The following OPHN1 variants were observed in gnomAD, a reference collection of about 807,000 sequenced individuals.
OPHN1 encodes the protein oligophrenin 1.
OPHN1 carries 11 observed loss-of-function variants against 60.7 expected under a neutral mutation model. The observed-to-expected ratio is 0.18, with a 90% confidence interval of 0.11 to 0.30. The LOEUF (loss-of-function observed/expected upper bound fraction) is 0.30. Among genes scored for constraint, OPHN1 ranks in the 10% least tolerant of loss-of-function variants. OPHN1 has a pLI of 1.00. For synonymous variants in OPHN1, 226 were observed against 222.6 expected, an observed-to-expected ratio of 1.02 and a Z score of -0.14; for missense variants, 449 against 611.0, an observed-to-expected ratio of 0.73 and a Z score of 2.80.
chrX:68,134,228 A>G (rs1329025831), intron 15 of OPHN1, among the ~76,000 whole-genome samples: 3 of 111,692 alleles, frequency 2.7e-5, no homozygotes, highest in Non-Finnish European at 5.6e-5. Context: ...TGCTTGTTCT[A>G]CAGAAGATCA....
chrX:68,083,216 G>A (rs2076981890), intron 19 of OPHN1, among the ~76,000 whole-genome samples: 1 of 103,911 alleles, frequency 9.6e-6, no homozygotes, highest in Admixed American at 1.0e-4. Context: ...GGGACTACAG[G>A]CGCCCGCCAC....
chrX:68,128,090 C>T (rs2077179070), intron 15 of OPHN1, among the ~76,000 whole-genome samples: 1 of 109,184 alleles, frequency 9.2e-6, no homozygotes. Context: ...CACTCTGTCA[C>T]TCAGGCTGCA....
At chrX:68,067,298 G>A (rs930360067) in intron 20 of OPHN1, among the ~76,000 whole-genome samples, 6 of 111,237 alleles carry the variant, frequency 5.4e-5, no homozygotes, top group African/African-American at 2.0e-4. Flanking sequence ...ACCATGCTTT[G>A]CCTAAGAAAA....
At chrX:68,265,237 T>C (rs1049839839) in intron 5 of OPHN1, among the ~76,000 whole-genome samples, 4 of 112,180 alleles carry the variant, frequency 3.6e-5, no homozygotes, top group African/African-American at 1.3e-4. Context: ...CCTCCTCAAG[T>C]GGGTCCCTGA....
At chrX:68,387,572 G>A (rs2078631087) in intron 2 of OPHN1, among the ~76,000 whole-genome samples, 1 of 111,314 alleles carries the variant, frequency 9.0e-6, no homozygotes, top group South Asian at 3.8e-4. Context: ...GAAAATTTAA[G>A]CTCCATAAAA....
chrX:68,422,226 C>T (rs191015406), intron 2 of OPHN1, among the ~76,000 whole-genome samples: 2 of 110,995 alleles, frequency 1.8e-5, no homozygotes, highest in Admixed American at 9.7e-5. Context: ...AACATCAAGA[C>T]AGTTGAAATG....
At position 68,307,288 on chromosome X, in the gene OPHN1, A is replaced by AATAAT. The variant is rs1555969328; in HGVS notation, c.155-8193_155-8192insATTAT. Among the ~76,000 whole-genome samples the AATAAT allele has an allele frequency of 2.4e-3, 253 of 105,664 alleles. 1 individual carries two copies. The highest frequency in any genetic ancestry group is 8.5e-3 in the African/African-American group (238 of 28,076). 91.8% of individuals were successfully genotyped at this position (105,664 alleles called of 115,157 possible). A position where few individuals can be genotyped will look rare whatever the true frequency, so the allele number is the denominator to read the frequency against. The stretch of plus-strand genomic sequence containing the variant: ...TGAGACCCTGTCTCTACCAAAAAAA[A>AATAAT]AATAATAATAATAATAATAGCCGAG... On this transcript the variant is annotated intron_variant, in intron 2 of 24. Transcript: ENST00000355520.
chrX:68,402,473 T>C (rs2078720755), intron 2 of OPHN1, among the ~76,000 whole-genome samples: 1 of 111,425 alleles, frequency 9.0e-6, no homozygotes. Flanking sequence ...AGGCTACAAA[T>C]ACCATGAACC....
At chrX:68,164,599 T>C (rs903431426) in intron 15 of OPHN1, among the ~76,000 whole-genome samples, 5 of 112,149 alleles carry the variant, frequency 4.5e-5, no homozygotes, top group Non-Finnish European at 7.5e-5. Flanking sequence ...GTTCCATTTA[T>C]AGAGCACAGG....
chrX:68,226,957 C>T (rs777057358), intron 6 of OPHN1, among the ~76,000 whole-genome samples: 4 of 111,362 alleles, frequency 3.6e-5, no homozygotes, highest in Admixed American at 9.6e-5. Context: ...AGAGTCAAGT[C>T]CCATCATTGT....
At chrX:68,398,411 A>C (rs2078696553) in intron 2 of OPHN1, among the ~76,000 whole-genome samples, 2 of 112,144 alleles carry the variant, frequency 1.8e-5, no homozygotes, top group African/African-American at 6.5e-5. Context: ...TTTCACTTGA[A>C]ATTTTTAAAC....
At chrX:68,155,359 T>A (rs113178088) in intron 15 of OPHN1, among the ~76,000 whole-genome samples, 5,233 of 111,386 alleles carry the variant, frequency 0.047, 313 homozygotes, top group African/African-American at 0.16. Flanking sequence ...AATCTCATCT[T>A]GAATTGTAAT....
At chrX:68,214,672 T>A (rs748832289) in intron 6 of OPHN1, among the ~76,000 whole-genome samples, 1 of 111,941 alleles carries the variant, frequency 8.9e-6, no homozygotes. Context: ...AGCATCAGAA[T>A]CAAATGTAGG....
At chrX:68,212,019 T>C in intron 8 of OPHN1, 89 bp downstream of exon 8, 1 of 623,923 alleles carries the variant, frequency 1.6e-6, no homozygotes, top group Non-Finnish European at 2.6e-6. Context: ...TAGGATGCAG[T>C]AACCTAGAAT....
At chrX:68,203,409 A>T (rs759559662) in intron 10 of OPHN1, among the ~76,000 whole-genome samples, 1 of 111,667 alleles carries the variant, frequency 9.0e-6, no homozygotes, top group African/African-American at 3.3e-5. Context: ...CACGTGGCTC[A>T]TTACCCAATA....
intron 2 of OPHN1, among the ~76,000 whole-genome samples, chrX:68,377,331 C>T (rs1417902968): frequency 9.1e-6 from 1 of 109,291 alleles, no homozygotes; most frequent in Non-Finnish European, 1.9e-5. Flanking sequence ...CTCCTGACCT[C>T]GTGATCCGCC....
At chrX:68,094,285 A>C (rs1406649344) in intron 19 of OPHN1, among the ~76,000 whole-genome samples, 1 of 111,613 alleles carries the variant, frequency 9.0e-6, no homozygotes, top group African/African-American at 3.3e-5. Flanking sequence ...AAGAGGACTT[A>C]TCGGGTTACC....
In OPHN1 at chrX:68,417,104, T is replaced by G. The variant is rs1441153328; in HGVS notation, c.154+15763A>C. On this transcript the variant is annotated intron_variant, in intron 2 of 24. Transcript: ENST00000355520. ...TTATTTATTTATTTATTTATTTATTTATTTATTTTGAGATGGAGACTTACT... is the reference window on the plus strand; with the variant it reads ...TTATTTATTTATTTATTTATTTATTGATTTATTTTGAGATGGAGACTTACT... Among the ~76,000 whole-genome samples the G allele has an allele frequency of 4.6e-5, 5 of 109,407 alleles. No homozygotes were observed. The East Asian group carries it at 1.1e-3, about 25-fold the overall frequency.
chrX:68,160,042 C>T lies in OPHN1; in HGVS notation c.1276+32877G>A, dbSNP rs766601573. Among the ~76,000 whole-genome samples the T allele has an allele frequency of 2.8e-5, 3 of 106,428 alleles. No homozygotes were observed. In the South Asian group the frequency reaches 1.2e-3, roughly 44 times the overall value. 92.4% of individuals were successfully genotyped at this position (106,428 alleles called of 115,157 possible). On this transcript the variant is annotated intron_variant, in intron 15 of 24. Coordinates refer to ENST00000355520, the MANE Select transcript of OPHN1 (RefSeq NM_002547.3). ...AGTTGTATGCTTTCTATAGCAAACA[C>T]ATGTTAGATTTAAACATATAATTAT...
Sources: allele counts gnomAD v4.1 joint callset (sites outside exome capture counted in the v4.1 genomes callset), GRCh38; gene constraint gnomAD v4.1.1; transcripts MANE v1.5; gene names NCBI Gene and HGNC (gene_info 2026-07-23, HGNC 2026-07-21).